IL1RAPL1: variants seen among roughly 807,000 people sequenced by gnomAD.
The protein encoded by IL1RAPL1 is interleukin-1 receptor accessory protein-like 1.
In IL1RAPL1, 3 loss-of-function variants were observed where a neutral mutation model predicts 48.4. The ratio of observed to expected loss-of-function variants is 0.06; its 90% CI spans 0.03 to 0.16. The LOEUF is 0.16. IL1RAPL1 is among the 10% of genes least tolerant of loss of function. The pLI is 1.00. For missense variants in IL1RAPL1, 349 were observed against 530.6 expected (o/e 0.66, Z 3.36); for synonymous variants, 185 against 187.7 (o/e 0.99, Z 0.12).
chrX:29,814,251 T>C (rs1302532635), intron 6 of IL1RAPL1, among the ~76,000 whole-genome samples: 1 of 111,779 alleles, frequency 8.9e-6, no homozygotes, highest in African/African-American at 3.2e-5. Flanking sequence ...TTACCTTTTG[T>C]TTTTTGACTT....
At chrX:29,498,921 T>C (rs1177764880) in intron 5 of IL1RAPL1, among the ~76,000 whole-genome samples, 1 of 112,166 alleles carries the variant, frequency 8.9e-6, no homozygotes, top group Non-Finnish European at 1.9e-5. Context: ...CCTTATTGAA[T>C]TCATCATAAT....
At chrX:29,254,267 T>C (rs937887867) in intron 2 of IL1RAPL1, among the ~76,000 whole-genome samples, 3 of 111,920 alleles carry the variant, frequency 2.7e-5, no homozygotes, top group African/African-American at 9.7e-5. Context: ...AAATAGGAAC[T>C]AGAACAAATG....
In IL1RAPL1 at chrX:29,227,510, A is replaced by G. The variant is rs147226290; in HGVS notation, c.83-55428A>G. Among the ~76,000 whole-genome samples the G allele has an allele frequency of 9.9e-3, 1,110 of 111,811 alleles. 19 individuals carry two copies. Among genetic ancestry groups the G allele is most frequent in the African/African-American group, 0.034 (1,064 of 30,902 alleles). On this transcript the variant is annotated intron_variant, in intron 2 of 10. Coordinates refer to ENST00000378993, the MANE Select transcript of IL1RAPL1 (RefSeq NM_014271.4). ...AATTTGACAGTCTCCTTTTTAACAC[A>G]TAGAGCTACTTCTTTGATCTGCCTT...
At chrX:29,117,441 A>G (rs1928699515) in intron 2 of IL1RAPL1, among the ~76,000 whole-genome samples, 1 of 112,486 alleles carries the variant, frequency 8.9e-6, no homozygotes, top group African/African-American at 3.2e-5. Flanking sequence ...TAAAAATTCC[A>G]GCAATATCTG....
chrX:29,231,848 CAT>C (rs1288055581), intron 2 of IL1RAPL1, among the ~76,000 whole-genome samples: 1 of 112,130 alleles, frequency 8.9e-6, no homozygotes, highest in African/African-American at 3.2e-5. Flanking sequence ...GTTCACAAGC[CAT>C]ACTTCTGATT....
intron 6 of IL1RAPL1, among the ~76,000 whole-genome samples, chrX:29,847,835 C>G (rs931653290): frequency 1.8e-5 from 2 of 111,801 alleles, no homozygotes. Flanking sequence ...TTTTTGGTTA[C>G]TTCCCCGTGC....
intron 1 of IL1RAPL1, among the ~76,000 whole-genome samples, chrX:28,762,778 A>ACGCGCG (rs200447527): frequency 7.5e-4 from 60 of 80,122 alleles, no homozygotes; most frequent in African/African-American, 3.1e-3. Flanking sequence ...TCTAATACGC[A>ACGCGCG]CGCGCGCGCA....
At chrX:29,951,522 G>A (rs762716599) in intron 9 of IL1RAPL1, among the ~76,000 whole-genome samples, 1 of 111,438 alleles carries the variant, frequency 9.0e-6, no homozygotes, top group East Asian at 2.8e-4. Flanking sequence ...AATGGAAAGG[G>A]AAGACCACTC....
At chrX:29,494,953 G>A (rs1363722461) in intron 5 of IL1RAPL1, among the ~76,000 whole-genome samples, 1 of 111,782 alleles carries the variant, frequency 8.9e-6, no homozygotes, top group Admixed American at 9.5e-5. Context: ...TTTCTAACCT[G>A]TGAAAATTCA....
chrX:28,619,262 GT>G (rs1934255539), intron 1 of IL1RAPL1, among the ~76,000 whole-genome samples: 1 of 110,760 alleles, frequency 9.0e-6, no homozygotes, highest in South Asian at 3.8e-4. Context: ...TTTTAAAGAG[GT>G]TAGAATAGGA....
chrX:28,780,770 T>C (rs1009912462), intron 1 of IL1RAPL1, among the ~76,000 whole-genome samples: 98 of 110,185 alleles, frequency 8.9e-4, no homozygotes, highest in African/African-American at 3.0e-3. Context: ...TCATGTGATC[T>C]GCTGTGCTGT....
chrX:29,203,736 T>G (rs914830295), intron 2 of IL1RAPL1, among the ~76,000 whole-genome samples: 1 of 76,592 alleles, frequency 1.3e-5, no homozygotes, highest in African/African-American at 5.9e-5. Flanking sequence ...TATATATATA[T>G]ATATATATAT....
chrX:28,886,770 T>G (rs753950104), intron 2 of IL1RAPL1, among the ~76,000 whole-genome samples: 1 of 110,929 alleles, frequency 9.0e-6, no homozygotes, highest in East Asian at 2.8e-4. Context: ...ACAGAGAGTC[T>G]ATACCAAGCT....
At chrX:29,547,885 A>T (rs1921679350) in intron 5 of IL1RAPL1, among the ~76,000 whole-genome samples, 2 of 112,637 alleles carry the variant, frequency 1.8e-5, no homozygotes, top group South Asian at 7.2e-4. Context: ...CCTTAAACAT[A>T]AGAGAAACAA....
chrX:29,471,475 G>T (rs1162751407), intron 5 of IL1RAPL1, among the ~76,000 whole-genome samples: 2 of 111,080 alleles, frequency 1.8e-5, no homozygotes, highest in African/African-American at 3.3e-5. Flanking sequence ...GTGCTCACGA[G>T]GCAATTCCTT....
At chrX:28,808,022 C>T (rs1936751184) in intron 2 of IL1RAPL1, among the ~76,000 whole-genome samples, 1 of 110,848 alleles carries the variant, frequency 9.0e-6, no homozygotes, top group Admixed American at 9.7e-5. Context: ...AGAGTAGAGA[C>T]TTGTGTCTTC....
At chrX:29,736,362 A>C (rs1928044323) in intron 6 of IL1RAPL1, among the ~76,000 whole-genome samples, 1 of 111,597 alleles carries the variant, frequency 9.0e-6, no homozygotes. Context: ...CCTGTCTCAA[A>C]AAAATACAGT....
intron 4 of IL1RAPL1, among the ~76,000 whole-genome samples, chrX:29,397,055 T>C (rs1569302356): frequency 8.9e-6 from 1 of 112,339 alleles, no homozygotes; most frequent in Non-Finnish European, 1.9e-5. Flanking sequence ...ATCACCATCA[T>C]TGATGTTTAT....
At chrX:28,780,450 A>G (rs1256215086) in intron 1 of IL1RAPL1, among the ~76,000 whole-genome samples, 1 of 109,396 alleles carries the variant, frequency 9.1e-6, no homozygotes, top group East Asian at 2.9e-4. Context: ...AAAGTGGATC[A>G]TATGGTTGAA....
Sources: gnomAD v4.1 joint callset for allele counts (sites outside exome capture counted in the v4.1 genomes callset) on GRCh38, gnomAD v4.1.1 for gene constraint, MANE v1.5 for transcripts, NCBI Gene and HGNC (gene_info 2026-07-23, HGNC 2026-07-21) for gene names.